PPP2R2C: variants seen among roughly 807,000 people sequenced by gnomAD.
PPP2R2C encodes the protein protein phosphatase 2 regulatory subunit Bgamma, also known as protein phosphatase 2, regulatory subunit B, gamma.
Under a neutral mutation model 45.3 loss-of-function variants are expected in PPP2R2C, and 10 were observed. The ratio of observed to expected loss-of-function variants is 0.22; its 90% CI spans 0.14 to 0.37. The LOEUF (loss-of-function observed/expected upper bound fraction) is 0.37, where lower values mean the gene tolerates loss of function less well. Ranked by LOEUF, PPP2R2C falls within the 10% of genes least tolerant of loss-of-function variation. The pLI is 1.00. For missense variants in PPP2R2C, 308 were observed against 619.7 expected (o/e 0.50, Z 5.34); for synonymous variants, 257 against 245.4 (o/e 1.05, Z -0.44).
intron 2 of PPP2R2C, among the ~76,000 whole-genome samples, chr4:6,494,461 C>T (rs1284949368): frequency 6.6e-6 from 1 of 152,234 alleles, no homozygotes; most frequent in Non-Finnish European, 1.5e-5. Context: ...CCTCAAAGAG[C>T]TTGCATCCTA....
intron 1 of PPP2R2C, among the ~76,000 whole-genome samples, chr4:6,560,434 G>A (rs962464746): frequency 6.6e-6 from 1 of 152,224 alleles, no homozygotes; most frequent in African/African-American, 2.4e-5. Context: ...AGCCTTGGGG[G>A]AGGACTGAAA....
chr4:6,534,070 ACAC>A (rs1401754822), intron 2 of PPP2R2C, among the ~76,000 whole-genome samples: 6 of 151,348 alleles, frequency 4.0e-5, no homozygotes, highest in East Asian at 1.9e-4. Flanking sequence ...CAACACACAC[ACAC>A]CAACATACAC....
At chr4:6,394,980 G>A (rs1242802509) in intron 1 of PPP2R2C, among the ~76,000 whole-genome samples, 2 of 152,186 alleles carry the variant, frequency 1.3e-5, no homozygotes, top group African/African-American at 4.8e-5. Flanking sequence ...AGTTGGCAGA[G>A]CCAGCAGCCC....
At chr4:6,362,586 G>T (rs1713878497) in intron 5 of PPP2R2C, among the ~76,000 whole-genome samples, 1 of 152,182 alleles carries the variant, frequency 6.6e-6, no homozygotes, top group Non-Finnish European at 1.5e-5. Context: ...ACAAAGCTGG[G>T]CAGGCCATCA....
chr4:6,488,430 T>G (rs1200769194), intron 2 of PPP2R2C, among the ~76,000 whole-genome samples: 2 of 152,182 alleles, frequency 1.3e-5, no homozygotes, highest in Non-Finnish European at 2.9e-5. Context: ...ATGCCTCTAA[T>G]TCTACCACTT....
rs868636330 is a variant in PPP2R2C, at chr4:6,365,752, C to A, written c.625+6771G>T. 3.0e-4 allele frequency among the ~76,000 whole-genome samples: 45 copies of A among 152,320 alleles called. 1 individual carries two copies. The highest frequency in any genetic ancestry group is 1.0e-3 in the African/African-American group (43 of 41,564). On this transcript the variant is annotated intron_variant, in intron 5 of 8. Transcript: ENST00000382599. Reference sequence around the variant, plus strand: ...CCTCCAGCCCACCTGGCCGTGCGGACCTGCTCTGTAAATGGGAATTAGAAA... The same window carrying A: ...CCTCCAGCCCACCTGGCCGTGCGGAACTGCTCTGTAAATGGGAATTAGAAA...
At chr4:6,500,789 T>G (rs1361607026) in intron 2 of PPP2R2C, among the ~76,000 whole-genome samples, 1 of 152,234 alleles carries the variant, frequency 6.6e-6, no homozygotes, top group Non-Finnish European at 1.5e-5. Context: ...TCAAACACCC[T>G]GAAGCTGGGG....
chr4:6,455,587 G>A (rs1421425561), intron 1 of PPP2R2C, among the ~76,000 whole-genome samples: 2 of 152,092 alleles, frequency 1.3e-5, no homozygotes, highest in Non-Finnish European at 2.9e-5. Flanking sequence ...TGCCCACCCT[G>A]GGCAACTGAC....
chr4:6,493,313 T>C (rs971740149), intron 2 of PPP2R2C, among the ~76,000 whole-genome samples: 2 of 151,818 alleles, frequency 1.3e-5, no homozygotes, highest in Non-Finnish European at 2.9e-5. Context: ...ATCAGGACTA[T>C]TGTCTGTCTC....
chr4:6,444,778 C>T (rs752198152), intron 1 of PPP2R2C, among the ~76,000 whole-genome samples: 9 of 152,244 alleles, frequency 5.9e-5, no homozygotes, highest in Non-Finnish European at 1.2e-4. Context: ...GCAGTTTTCA[C>T]TTTGACAGTG....
In PPP2R2C at chr4:6,452,509, G is replaced by A. The variant is rs62284508; in HGVS notation, c.70+19651C>T. The stretch of plus-strand genomic sequence containing the variant: ...CACTGGCATTTGCGGCCCCAAGATA[G>A]AGTCCCCATTTCACAGAAGAGGAAA... On this transcript the variant is annotated intron_variant, in intron 1 of 8. Transcript: ENST00000382599. Among the ~76,000 whole-genome samples, 483 of 152,306 alleles carry A rather than the reference G, an allele frequency of 3.2e-3. 1 individual carries two copies. Among genetic ancestry groups the A allele is most frequent in the Non-Finnish European group, 4.5e-3 (305 of 68,030 alleles).
intron 6 of PPP2R2C, among the ~76,000 whole-genome samples, chr4:6,346,476 C>T (rs1043521830): frequency 4.6e-5 from 7 of 152,160 alleles, no homozygotes; most frequent in Non-Finnish European, 2.9e-5. Flanking sequence ...GGTGTTGGTG[C>T]CATTGCTCAC....
chr4:6,468,428 A>G (rs937618162), intron 1 of PPP2R2C, among the ~76,000 whole-genome samples: 6 of 152,240 alleles, frequency 3.9e-5, no homozygotes, highest in Non-Finnish European at 7.3e-5. Context: ...GGGAGTTAGG[A>G]AAACATGGGT....
Position 6,328,102 on chromosome 4 carries a change from C to T in PPP2R2C, c.1052+1160G>A, listed in dbSNP as rs1296022311. On this transcript the variant is annotated intron_variant, in intron 8 of 8. Transcript: ENST00000382599. The surrounding 1 kb of genome is among the most constrained non-coding windows in gnomAD (Gnocchi z 4.4). ...GCCACCCTCAGAGGTCTGGGAGAGC[C>T]CAGACCTGTCATGTTGACTGATGCC... 1.3e-5 allele frequency among the ~76,000 whole-genome samples: 2 copies of T among 152,082 alleles called. No individual in the cohort carries two copies. Among genetic ancestry groups the T allele is most frequent in the Non-Finnish European group, 2.9e-5 (2 of 68,002 alleles).
chr4:6,444,089 T>G (rs1457233805), intron 1 of PPP2R2C, among the ~76,000 whole-genome samples: 1 of 152,078 alleles, frequency 6.6e-6, no homozygotes, highest in East Asian at 1.9e-4. Context: ...TCCAAATGCC[T>G]GATTAGGAGA....
rs372148720 is a variant in PPP2R2C at position 6,338,664 on chromosome 4, T to C, written c.791-4933A>G. ...TCTCAATGGGTCCCAACCAGCCTGC[T>C]GCTGCTGCCTCACACACGCAAGTTC... On this transcript the variant is annotated intron_variant, in intron 6 of 8. Transcript: ENST00000382599. 9.2e-5 allele frequency among the ~76,000 whole-genome samples: 14 copies of C among 152,274 alleles called. 2 individuals are homozygous for C. The highest frequency in any genetic ancestry group is 2.6e-4 in the Admixed American group (4 of 15,310).
chr4:6,444,087 C>A (rs1007521645), intron 1 of PPP2R2C, among the ~76,000 whole-genome samples: 9 of 152,104 alleles, frequency 5.9e-5, no homozygotes, highest in Admixed American at 5.2e-4. Flanking sequence ...GGTCCAAATG[C>A]CTGATTAGGA....
intron 1 of PPP2R2C, among the ~76,000 whole-genome samples, chr4:6,433,010 TTAA>T (rs1719707087): frequency 6.6e-6 from 1 of 152,238 alleles, no homozygotes; most frequent in Non-Finnish European, 1.5e-5. Context: ...TATGATTTTC[TTAA>T]TGATGTTTTC....
chr4:6,413,304 C>A (rs1285040188), intron 1 of PPP2R2C, among the ~76,000 whole-genome samples: 2 of 152,208 alleles, frequency 1.3e-5, no homozygotes, highest in African/African-American at 4.8e-5. Context: ...TGGACACTTA[C>A]CTGCACACAT....
Sources: allele counts gnomAD v4.1 joint callset (sites outside exome capture counted in the v4.1 genomes callset), GRCh38; gene constraint gnomAD v4.1.1; non-coding constraint Gnocchi (gnomAD v3.1); transcripts MANE v1.5; gene names NCBI Gene and HGNC (gene_info 2026-07-23, HGNC 2026-07-21).